The following CNBD2 variants were observed in gnomAD, a reference collection of about 807,000 sequenced individuals.
The protein encoded by CNBD2 is cyclic nucleotide-binding domain-containing protein 2.
Under a neutral mutation model 63.7 loss-of-function variants are expected in CNBD2, and 64 were observed. The ratio of observed to expected loss-of-function variants is 1.00; its 90% CI spans 0.82 to 1.24. The LOEUF (loss-of-function observed/expected upper bound fraction) is 1.24. Ranked by LOEUF, CNBD2 falls within the 50% of genes most tolerant of loss-of-function variation. The pLI is 0.00. For synonymous variants in CNBD2, 229 were observed against 255.4 expected, an observed-to-expected ratio of 0.90 and a Z score of 0.99; for missense variants, 691 against 713.5, an observed-to-expected ratio of 0.97 and a Z score of 0.36.
chr20:36,017,058 CAA>C (rs35383989), intron 10 of CNBD2, among the ~76,000 whole-genome samples: 12,261 of 105,194 alleles, frequency 0.12, 632 homozygotes, highest in South Asian at 0.25. Flanking sequence ...GAGCCTGTCT[CAA>C]AAAAAAAAAA....
Position 35,982,826 on chromosome 20 carries a change from C to T in CNBD2, c.408-1156C>T, listed in dbSNP as rs190644913. On this transcript the variant is annotated intron_variant, in intron 4 of 11. Transcript: ENST00000373973. ...CTCCCAGGCTCAGGTGATCTTCCCA[C>T]CTCAGCCTTACAGGCAGCTGGGACT... is the stretch of plus-strand genomic sequence containing the variant. 2.6e-5 allele frequency among the ~76,000 whole-genome samples: 4 copies of T among 152,082 alleles called. No homozygotes were observed. The East Asian group carries it at 7.8e-4, about 30-fold the overall frequency.
chr20:35,996,652 C>T (rs559884177), intron 8 of CNBD2, among the ~76,000 whole-genome samples: 40 of 152,112 alleles, frequency 2.6e-4, no homozygotes, highest in African/African-American at 9.4e-4. Flanking sequence ...GGATTACGGG[C>T]ACATGCCACC....
chr20:36,013,245 C>T (rs1234534706), intron 10 of CNBD2, among the ~76,000 whole-genome samples: 3 of 151,972 alleles, frequency 2.0e-5, no homozygotes, highest in East Asian at 3.9e-4. Flanking sequence ...GATGAAACCG[C>T]GTCTCTACTA....
intron 10 of CNBD2, among the ~76,000 whole-genome samples, chr20:36,013,509 G>T (rs1158802054): frequency 9.2e-5 from 14 of 152,190 alleles, no homozygotes; most frequent in Non-Finnish European, 1.5e-5. Context: ...CATTATAAAT[G>T]TATGAAACAA....
At chr20:35,978,851 T>C (rs1043043973) in intron 3 of CNBD2, among the ~76,000 whole-genome samples, 1 of 152,174 alleles carries the variant, frequency 6.6e-6, no homozygotes, top group East Asian at 1.9e-4. Flanking sequence ...TATGCATACA[T>C]AAAAGTGGTA....
chr20:36,021,953 G>A (rs1379256462), intron 10 of CNBD2, among the ~76,000 whole-genome samples: 1 of 152,086 alleles, frequency 6.6e-6, no homozygotes, highest in Non-Finnish European at 1.5e-5. Context: ...AGGAAAGTGT[G>A]GGGTGGGTGG....
At chr20:35,989,200 GTC>G (rs745925287) in intron 7 of CNBD2, among the ~76,000 whole-genome samples, 1 of 152,216 alleles carries the variant, frequency 6.6e-6, no homozygotes, top group Non-Finnish European at 1.5e-5. Context: ...TTCAACCCAA[GTC>G]TCTCTGACTG....
At chr20:36,000,399 C>T (rs1475217303) in intron 8 of CNBD2, among the ~76,000 whole-genome samples, 1 of 151,992 alleles carries the variant, frequency 6.6e-6, no homozygotes, top group South Asian at 2.1e-4. Flanking sequence ...ATTTTTGAGA[C>T]AGAGTCTCAC....
At position 36,023,655 on chromosome 20, in the gene CNBD2, C is replaced by G. The variant is rs145288341; in HGVS notation, c.1323C>G (p.Ile441Met). The change falls in exon 11 of 12, where the codon ATC (isoleucine) becomes ATG (methionine). Residue 441 changes from isoleucine (I) to methionine (M), a missense_variant. Ile to Met is a conservative substitution (Grantham distance 10). Coordinates refer to ENST00000373973, the MANE Select transcript of CNBD2 (RefSeq NM_001365709.1). ...PEGECDTRPLILMSLGNELIR... is the reference protein window; with the variant it reads ...PEGECDTRPLMLMSLGNELIR... ...GTGAATGCGACACACGACCCTTGAT[C>G]CTGATGAGCCTGGGAAATGAGTTGA... 7.4e-5 allele frequency: 120 copies of G among 1,613,616 alleles called. No individual in the cohort carries two copies. The highest frequency in any genetic ancestry group is 3.1e-4 in the African/African-American group (23 of 74,856).
intron 7 of CNBD2, among the ~76,000 whole-genome samples, chr20:35,992,863 G>C (rs969286910): frequency 5.9e-5 from 9 of 151,428 alleles, no homozygotes; most frequent in Admixed American, 5.9e-4. Flanking sequence ...TCATCTCTGG[G>C]AGGGAGATCA....
At chr20:35,982,454 C>T (rs963197635) in intron 4 of CNBD2, among the ~76,000 whole-genome samples, 5 of 152,104 alleles carry the variant, frequency 3.3e-5, no homozygotes, top group Non-Finnish European at 5.9e-5. Context: ...CACGTTATCC[C>T]TTGAATGTGC....
chr20:35,961,657 C>T (rs2056309810), intron 2 of CNBD2, among the ~76,000 whole-genome samples: 1 of 151,952 alleles, frequency 6.6e-6, no homozygotes, highest in African/African-American at 2.4e-5. Context: ...CTATAACTCC[C>T]CTTTAGATGA....
intron 2 of CNBD2, among the ~76,000 whole-genome samples, chr20:35,961,219 C>A (rs918880420): frequency 6.6e-6 from 1 of 152,246 alleles, no homozygotes; most frequent in Admixed American, 6.5e-5. Context: ...GCGTGAGCCA[C>A]CACGCCCGGC....
chr20:35,983,284 G>T (rs929222682), intron 4 of CNBD2, among the ~76,000 whole-genome samples: 6 of 151,924 alleles, frequency 3.9e-5, no homozygotes, highest in Non-Finnish European at 7.4e-5. Flanking sequence ...GTACCTAACA[G>T]ACACCACTGA....
Position 36,001,360 on chromosome 20 carries a change from T to TG in CNBD2, c.970+6214dup, listed in dbSNP as rs1309168321. On this transcript the variant is annotated intron_variant, in intron 8 of 11. Coordinates refer to ENST00000373973, the MANE Select transcript of CNBD2 (RefSeq NM_001365709.1). ...CTCCTGGGCGGGGCGGCTGGCAGGG[T>TG]GGGGGGCTGACCCCCCCACCTCCCT... is the stretch of plus-strand genomic sequence containing the variant. Among the ~76,000 whole-genome samples, 2 of 103,654 alleles carry TG rather than the reference T, an allele frequency of 1.9e-5. 1 individual carries two copies. Among genetic ancestry groups the TG allele is most frequent in the African/African-American group, 7.8e-5 (2 of 25,496 alleles). 68.0% of individuals were successfully genotyped at this position (103,654 alleles called of 152,430 possible). A position where few individuals can be genotyped will look rare whatever the true frequency, so the allele number is the denominator to read the frequency against.
At chr20:35,990,659 G>C (rs901796082) in intron 7 of CNBD2, among the ~76,000 whole-genome samples, 1 of 151,572 alleles carries the variant, frequency 6.6e-6, no homozygotes, top group Admixed American at 6.6e-5. Flanking sequence ...ACAAATAAAA[G>C]CTATTATCTG....
In CNBD2 at chr20:36,030,694, G is replaced by T; in HGVS notation, c.*46G>T. 1.3e-6 allele frequency: 2 copies of T among 1,595,810 alleles called. No homozygotes were observed. Among genetic ancestry groups the T allele is most frequent in the Middle Eastern group, 1.7e-4 (1 of 5,966 alleles). On this transcript the variant is annotated 3_prime_UTR_variant, in exon 12 of 12. Transcript: ENST00000373973. ...TATTTAGGACAAATAAAGGATGGTG[G>T]ATTGGGCGCTGTGCTTTCTGAATGA...
exon 1 of CNBD2, chr20:35,954,882 A>C: frequency 3.4e-6 from 1 of 293,956 alleles, no homozygotes. Context: ...GCCGGTGGTG[A>C]CCCGAACAGG....
chr20:35,972,619 G>C lies in CNBD2; in HGVS notation c.52-10G>C. On this transcript the variant is annotated splice_polypyrimidine_tract_variant and intron_variant, in intron 1 of 11. Coordinates refer to ENST00000373973, the MANE Select transcript of CNBD2 (RefSeq NM_001365709.1). ...GGTTTCTATTGATCTTGTTTGCTTT[G>C]TTTCCATAGGGACTGTACCAGCTCG... The C allele has an allele frequency of 6.2e-7, 1 of 1,613,800 alleles. No homozygotes were observed. Among genetic ancestry groups the C allele is most frequent in the Non-Finnish European group, 8.5e-7 (1 of 1,179,828 alleles).
Sources: gnomAD v4.1 joint callset for allele counts (sites outside exome capture counted in the v4.1 genomes callset) on GRCh38, gnomAD v4.1.1 for gene constraint, MANE v1.5 for transcripts, NCBI Gene and HGNC (gene_info 2026-07-23, HGNC 2026-07-21) for gene names.